The following CNTN5 variants were observed in gnomAD, a reference collection of about 807,000 sequenced individuals.
CNTN5 encodes the protein contactin-5.
Under a neutral mutation model 129.1 loss-of-function variants are expected in CNTN5, and 77 were observed. The ratio of observed to expected loss-of-function variants is 0.60; its 90% CI spans 0.50 to 0.72. The LOEUF (loss-of-function observed/expected upper bound fraction) is 0.72, where lower values mean the gene tolerates loss of function less well. CNTN5 is among the 30% of genes least tolerant of loss of function. The pLI, the probability that CNTN5 is intolerant of heterozygous loss-of-function variation, is 0.00. For missense variants in CNTN5, 1,478 were observed against 1,328.8 expected (o/e 1.11, Z -1.75); for synonymous variants, 509 against 465.6 (o/e 1.09, Z -1.20).
chr11:99,357,245 T>G (rs968324607), intron 2 of CNTN5, among the ~76,000 whole-genome samples: 1 of 152,154 alleles, frequency 6.6e-6, no homozygotes, highest in African/African-American at 2.4e-5. Context: ...CTTATTTGCC[T>G]CTTTTTAAAA....
At chr11:99,685,206 G>T (rs905936123) in intron 3 of CNTN5, among the ~76,000 whole-genome samples, 1 of 151,286 alleles carries the variant, frequency 6.6e-6, no homozygotes, top group East Asian at 1.9e-4. Flanking sequence ...TACTTTCTAT[G>T]TTTTTTCTAT....
intron 1 of CNTN5, among the ~76,000 whole-genome samples, chr11:99,030,940 C>T (rs1863346262): frequency 6.6e-6 from 1 of 151,958 alleles, no homozygotes; most frequent in Non-Finnish European, 1.5e-5. Flanking sequence ...GCCACCACGC[C>T]TGGCTAATTT....
At chr11:100,195,131 G>T (rs1277276602) in intron 15 of CNTN5, among the ~76,000 whole-genome samples, 1 of 151,762 alleles carries the variant, frequency 6.6e-6, no homozygotes, top group Non-Finnish European at 1.5e-5. Flanking sequence ...CATGGATGTT[G>T]TAAAACAGAC....
chr11:99,112,762 T>A (rs1857857729), intron 1 of CNTN5, among the ~76,000 whole-genome samples: 1 of 151,974 alleles, frequency 6.6e-6, no homozygotes, highest in African/African-American at 2.4e-5. Context: ...TTACACTAAG[T>A]AAAAAATAAA....
chr11:99,677,584 C>T (rs750350592), intron 3 of CNTN5, among the ~76,000 whole-genome samples: 10 of 152,134 alleles, frequency 6.6e-5, no homozygotes, highest in South Asian at 2.1e-4. Flanking sequence ...GTGTTTTTGT[C>T]TTCTCACTCT....
intron 18 of CNTN5, among the ~76,000 whole-genome samples, chr11:100,285,943 G>A (rs1488946802): frequency 1.3e-5 from 2 of 152,236 alleles, no homozygotes; most frequent in African/African-American, 4.8e-5. Flanking sequence ...GCCTCACTTG[G>A]GAAGCGCAAG....
chr11:100,288,058 CTA>C (rs1950840473), intron 18 of CNTN5, among the ~76,000 whole-genome samples: 1 of 152,062 alleles, frequency 6.6e-6, no homozygotes, highest in African/African-American at 2.4e-5. Context: ...GAAGAGCTAA[CTA>C]TCCTAAATAT....
intron 13 of CNTN5, among the ~76,000 whole-genome samples, chr11:100,148,286 A>T (rs2138291956): frequency 1.3e-5 from 2 of 152,270 alleles, no homozygotes; most frequent in South Asian, 4.1e-4. Context: ...TCAGCCCCCA[A>T]ATCAGTATCT....
At chr11:99,760,461 T>C (rs549640403) in intron 3 of CNTN5, among the ~76,000 whole-genome samples, 1 of 152,256 alleles carries the variant, frequency 6.6e-6, no homozygotes, top group Admixed American at 6.5e-5. Context: ...GTACATTTAC[T>C]AAAAATAATG....
At chr11:99,659,772 C>T (rs1230823363) in intron 3 of CNTN5, among the ~76,000 whole-genome samples, 1 of 152,224 alleles carries the variant, frequency 6.6e-6, no homozygotes, top group Admixed American at 6.5e-5. Context: ...GTCTATGGAT[C>T]CTAATGTTAA....
intron 13 of CNTN5, among the ~76,000 whole-genome samples, chr11:100,190,012 C>A: frequency 1.3e-5 from 2 of 151,770 alleles, no homozygotes; most frequent in African/African-American, 4.8e-5. Flanking sequence ...TCAATTGTTA[C>A]GAAGTTCAAT....
At chr11:99,936,050 C>T (rs1375980978) in intron 7 of CNTN5, among the ~76,000 whole-genome samples, 1 of 152,148 alleles carries the variant, frequency 6.6e-6, no homozygotes, top group Non-Finnish European at 1.5e-5. Flanking sequence ...TGAATCCTAT[C>T]CCTTCCATCA....
chr11:99,729,972 G>A (rs1943476276), intron 3 of CNTN5, among the ~76,000 whole-genome samples: 1 of 152,094 alleles, frequency 6.6e-6, no homozygotes, highest in Non-Finnish European at 1.5e-5. Flanking sequence ...CCTAGGTGAT[G>A]GGTTGAGAGG....
intron 7 of CNTN5, among the ~76,000 whole-genome samples, chr11:99,931,813 T>C (rs762902952): frequency 2.0e-5 from 3 of 152,228 alleles, no homozygotes; most frequent in Non-Finnish European, 4.4e-5. Flanking sequence ...GGGTAACTTA[T>C]GTATGGGTTG....
intron 18 of CNTN5, among the ~76,000 whole-genome samples, chr11:100,291,007 A>C (rs1442011531): frequency 2.0e-5 from 3 of 150,876 alleles, no homozygotes; most frequent in Non-Finnish European, 4.4e-5. Context: ...ACATGAAAAA[A>C]TGCTCATCAT....
At chr11:99,155,012 C>A (rs1314804187) in intron 1 of CNTN5, among the ~76,000 whole-genome samples, 1 of 152,150 alleles carries the variant, frequency 6.6e-6, no homozygotes, top group Non-Finnish European at 1.5e-5. Context: ...CCTATCTAAG[C>A]AGCTCCCTCT....
At chr11:99,864,704 T>C (rs1298429316) in intron 6 of CNTN5, among the ~76,000 whole-genome samples, 1 of 152,168 alleles carries the variant, frequency 6.6e-6, no homozygotes, top group African/African-American at 2.4e-5. Flanking sequence ...TTTTGATAGG[T>C]GTCATAGTGA....
At chr11:100,204,297 AATATATATATATATATATATAT>A (rs10633078) in intron 15 of CNTN5, among the ~76,000 whole-genome samples, 1,209 of 17,666 alleles carry the variant, frequency 0.068, 100 homozygotes, top group African/African-American at 0.1. Context: ...AACATTGACT[AATATATATATATATATATATAT>A]ATATATATAT....
chr11:100,329,900 T>C (rs1437709835), intron 21 of CNTN5, among the ~76,000 whole-genome samples: 2 of 152,148 alleles, frequency 1.3e-5, no homozygotes, highest in East Asian at 3.9e-4. Context: ...ACAATTCTGG[T>C]AATATGACAA....
Sources: gnomAD v4.1 joint callset for allele counts (sites outside exome capture counted in the v4.1 genomes callset) on GRCh38, gnomAD v4.1.1 for gene constraint, MANE v1.5 for transcripts, NCBI Gene and HGNC (gene_info 2026-07-23, HGNC 2026-07-21) for gene names.